The following TMEM184B variants were observed in gnomAD, a reference collection of about 807,000 sequenced individuals.
TMEM184B encodes putative MAPK-activating protein FM08.
In TMEM184B, 17 loss-of-function variants were observed where a neutral mutation model predicts 41.8. The observed-to-expected ratio is 0.41, with a 90% CI of 0.28 to 0.61. The LOEUF (loss-of-function observed/expected upper bound fraction) is 0.61, where lower values mean the gene tolerates loss of function less well. TMEM184B is among the 20% of genes least tolerant of loss of function. The pLI is 0.34. For missense variants in TMEM184B, 393 were observed against 557.8 expected, an observed-to-expected ratio of 0.70 and a Z score of 2.98; for synonymous variants, 240 against 229.5, an observed-to-expected ratio of 1.05 and a Z score of -0.41.
chr22:38,217,901 A>G (rs2091170373), downstream of TMEM184B, among the ~76,000 whole-genome samples: 1 of 151,982 alleles, frequency 6.6e-6, no homozygotes, highest in African/African-American at 2.4e-5. Flanking sequence ...GGTTGAGCCC[A>G]GGAGTTTGAG....
rs1317360093 is a variant in TMEM184B at position 38,239,777 on chromosome 22, G to C, written c.358+6158C>G. On this transcript the variant is annotated intron_variant, in intron 3 of 8. Coordinates refer to ENST00000361906, the MANE Select transcript of TMEM184B (RefSeq NM_012264.5). This position sits in a 1 kb window ranked among gnomAD's most constrained non-coding sequence, Gnocchi z 4.6. Reference sequence around the variant, plus strand: ...CTCAGATCTCTGCCACGCTGTACCAGTCACTCAGCCTGTGCAGTGTTTTGA... The same window carrying C: ...CTCAGATCTCTGCCACGCTGTACCACTCACTCAGCCTGTGCAGTGTTTTGA... Among the ~76,000 whole-genome samples the C allele has an allele frequency of 6.6e-6, 1 of 152,168 alleles. No individual in the cohort carries two copies. The highest frequency in any genetic ancestry group is 1.5e-5 in the Non-Finnish European group (1 of 68,030).
chr22:38,244,955 G>A (rs1476315892), intron 3 of TMEM184B, among the ~76,000 whole-genome samples: 1 of 152,210 alleles, frequency 6.6e-6, no homozygotes, highest in Non-Finnish European at 1.5e-5. Flanking sequence ...AGGGCAGCAG[G>A]GGTGAGGCTG....
chr22:38,269,813 T>C (rs1386841082), intron 1 of TMEM184B, among the ~76,000 whole-genome samples: 1 of 151,554 alleles, frequency 6.6e-6, no homozygotes, highest in African/African-American at 2.4e-5. Flanking sequence ...TCACACAGGG[T>C]CTTCAAGACC....
At chr22:38,238,266 C>A (rs1345379287) in intron 3 of TMEM184B, among the ~76,000 whole-genome samples, 1 of 144,944 alleles carries the variant, frequency 6.9e-6, no homozygotes, top group Non-Finnish European at 1.5e-5. Context: ...CTCTCGCTGT[C>A]GCAGGCCGGA....
intron 5 of TMEM184B, among the ~76,000 whole-genome samples, chr22:38,228,404 TGAAGCAGCA>T (rs2091511243): frequency 8.1e-6 from 1 of 123,340 alleles, no homozygotes; most frequent in Non-Finnish European, 1.7e-5. Context: ...AGAGAGAAGC[TGAAGCAGCA>T]GCAGCAGCAG....
intron 5 of TMEM184B, among the ~76,000 whole-genome samples, chr22:38,228,765 A>G (rs534143725): frequency 6.6e-5 from 10 of 152,288 alleles, no homozygotes; most frequent in Admixed American, 4.6e-4. Flanking sequence ...CTTTCTTCTT[A>G]TATCTCTCCC....
At chr22:38,264,528 C>A (rs1040125680) in intron 1 of TMEM184B, among the ~76,000 whole-genome samples, 2 of 152,170 alleles carry the variant, frequency 1.3e-5, no homozygotes, top group Non-Finnish European at 2.9e-5. Flanking sequence ...CACAGCCATG[C>A]AAGACCACTC....
intron 3 of TMEM184B, among the ~76,000 whole-genome samples, chr22:38,236,220 C>T (rs551838976): frequency 2.6e-5 from 4 of 152,274 alleles, no homozygotes; most frequent in East Asian, 3.9e-4. Context: ...GTAGGCTGTC[C>T]GCTCCCCACC....
downstream of TMEM184B, among the ~76,000 whole-genome samples, chr22:38,218,744 T>G (rs953892755): frequency 2.6e-5 from 4 of 152,160 alleles, no homozygotes; most frequent in Non-Finnish European, 5.9e-5. Context: ...GGACGCAGGC[T>G]ATTTACCCGC....
At chr22:38,251,175 C>T (rs751005664) in intron 1 of TMEM184B, among the ~76,000 whole-genome samples, 9 of 152,174 alleles carry the variant, frequency 5.9e-5, no homozygotes, top group Admixed American at 2.0e-4. Flanking sequence ...GGAGTGTTTC[C>T]GCAGCCCAAC....
At chr22:38,234,619 G>C (rs1340278240) in intron 3 of TMEM184B, among the ~76,000 whole-genome samples, 4 of 152,184 alleles carry the variant, frequency 2.6e-5, no homozygotes, top group Non-Finnish European at 5.9e-5. Context: ...GACGTGCTGT[G>C]ATCACTCACG....
In TMEM184B at chr22:38,237,801, C is replaced by CT. The variant is rs563345165; in HGVS notation, c.359-6468dup. Among the ~76,000 whole-genome samples the CT allele has an allele frequency of 6.5e-3, 903 of 139,514 alleles. 13 individuals carry two copies. The highest frequency in any genetic ancestry group is 0.046 in the South Asian group (202 of 4,348). 91.5% of individuals were successfully genotyped at this position (139,514 alleles called of 152,430 possible). On this transcript the variant is annotated intron_variant, in intron 3 of 8. Transcript: ENST00000361906. Reference sequence around the variant, plus strand: ...TGGTTCCTCTTCTCCTCCCTACTGTCTTTTTTTTTTTTTTTTTAGACGGAG... The same window carrying CT: ...TGGTTCCTCTTCTCCTCCCTACTGTCTTTTTTTTTTTTTTTTTTAGACGGAG...
chr22:38,225,573 T>A lies in TMEM184B; in HGVS notation c.638A>T (p.Tyr213Phe), dbSNP rs780040885. ...GDFDVTSGYL[Y>F]VTIIYNISVS... is the part of the protein sequence containing the mutation. The stretch of plus-strand genomic sequence containing the variant: ...GGAGATGTTGTAGATGATGGTCACG[T>A]AGAGGTAGCCACTGGTGACGCTGCG... Residue 213 changes from tyrosine to phenylalanine, a missense_variant, in exon 7 of 9, where the codon TAC (tyrosine) becomes TTC (phenylalanine). Transcript: ENST00000361906. The surrounding 1 kb of genome is among the most constrained non-coding windows in gnomAD (Gnocchi z 4.4). 21 of 1,606,072 alleles carry A rather than the reference T, an allele frequency of 1.3e-5. No individual in the cohort carries two copies. The highest frequency in any genetic ancestry group is 1.7e-6 in the Non-Finnish European group (2 of 1,176,918).
At chr22:38,247,239 C>T (rs1205477682) in intron 2 of TMEM184B, among the ~76,000 whole-genome samples, 2 of 152,234 alleles carry the variant, frequency 1.3e-5, no homozygotes, top group Non-Finnish European at 2.9e-5. Context: ...TGTGCTCCTG[C>T]AGTTCTAGGC....
chr22:38,256,158 T>A (rs1334468740), intron 1 of TMEM184B, among the ~76,000 whole-genome samples: 2 of 151,832 alleles, frequency 1.3e-5, no homozygotes, highest in Non-Finnish European at 1.5e-5. Flanking sequence ...TGAGAACAGC[T>A]TGACCAACAT....
At chr22:38,264,329 G>A (rs1008623011) in intron 1 of TMEM184B, among the ~76,000 whole-genome samples, 3 of 152,098 alleles carry the variant, frequency 2.0e-5, no homozygotes, top group East Asian at 1.9e-4. Context: ...AAGTGTGAAC[G>A]GTGACCTGAG....
intron 1 of TMEM184B, among the ~76,000 whole-genome samples, chr22:38,251,631 G>A (rs993281186): frequency 1.3e-5 from 2 of 152,180 alleles, no homozygotes; most frequent in East Asian, 3.9e-4. Flanking sequence ...GGTGGGCACT[G>A]GATTCTGACC....
In TMEM184B at chr22:38,221,580, C is replaced by T. The variant is rs778950478; in HGVS notation, c.1113G>A (p.Glu371=). Residue 371 remains glutamate (E), a synonymous_variant, in exon 9 of 9, where the codon GAG becomes GAA. Transcript: ENST00000361906. ...YQQYTQQSTL[E]PGPTWRGGAH... is the part of the protein sequence containing the mutation. ...CGCCACCACGCCAGGTGGGCCCAGG[C>T]TCCAGGGTGGACTGCTGCGTGTACT... The T allele has an allele frequency of 6.2e-7, 1 of 1,614,082 alleles. No homozygotes were observed. Among genetic ancestry groups the T allele is most frequent in the South Asian group, 1.1e-5 (1 of 91,092 alleles).
chr22:38,230,265 A>C (rs1008520920), intron 5 of TMEM184B, among the ~76,000 whole-genome samples: 4 of 152,242 alleles, frequency 2.6e-5, no homozygotes, highest in Non-Finnish European at 5.9e-5. Context: ...AAATGCAGGG[A>C]GAGACGAAGA....
Sources: gnomAD v4.1 joint callset for allele counts (sites outside exome capture counted in the v4.1 genomes callset) on GRCh38, gnomAD v4.1.1 for gene constraint, Gnocchi (gnomAD v3.1) non-coding constraint, MANE v1.5 for transcripts, NCBI Gene and HGNC (gene_info 2026-07-23, HGNC 2026-07-21) for gene names.